The following CPAMD8 variants were observed in gnomAD, a reference collection of about 807,000 sequenced individuals.
The protein encoded by CPAMD8 is C3 and PZP like alpha-2-macroglobulin domain containing 8, also known as C3 and PZP-like alpha-2-macroglobulin domain-containing protein 8.
In CPAMD8, 146 loss-of-function variants were observed where a neutral mutation model predicts 224.7. That is an observed-to-expected ratio of 0.65 (90% CI 0.57 to 0.75). The LOEUF (loss-of-function observed/expected upper bound fraction) is 0.75, where lower values mean the gene tolerates loss of function less well. CPAMD8 is among the 30% of genes least tolerant of loss of function. The pLI is 0.00. For synonymous variants in CPAMD8, 966 were observed against 1,044.6 expected (o/e 0.92, Z 1.45); for missense variants, 2,301 against 2,537.5 (o/e 0.91, Z 2.00).
intron 3 of CPAMD8, among the ~76,000 whole-genome samples, chr19:17,016,382 G>A (rs1292364220): frequency 6.6e-6 from 1 of 152,194 alleles, no homozygotes; most frequent in Non-Finnish European, 1.5e-5. Flanking sequence ...TCTGTGCTGT[G>A]AAGAGTGTCT....
rs761232871 is a variant in CPAMD8, at chr19:17,002,322, G to T, written c.702C>A (p.Asp234Glu). ...CCAGGTCTTGGATATACCGGGGCGG[G>T]TCAATCAGAAGCTCAAACTTGGGCA... ...YVLPKFELLIDPPRYIQDLDA... is the reference protein window; with the variant it reads ...YVLPKFELLIEPPRYIQDLDA... The change falls in exon 9 of 42, where the codon GAC (aspartate) becomes GAA (glutamate). Residue 234 changes from aspartate (D) to glutamate (E), a missense_variant. Asp to Glu is a conservative substitution (Grantham distance 45). Transcript: ENST00000443236. 1.1e-5 allele frequency: 17 copies of T among 1,606,572 alleles called. No homozygotes were observed. In the Admixed American group the frequency reaches 2.7e-4, roughly 26 times the overall value.
At position 16,907,047 on chromosome 19, in the gene CPAMD8, T is replaced by G; in HGVS notation, c.3932A>C (p.Tyr1311Ser). 3.1e-6 allele frequency: 5 copies of G among 1,608,258 alleles called. No individual in the cohort carries two copies. The highest frequency in any genetic ancestry group is 4.2e-6 in the Non-Finnish European group (5 of 1,177,830). Reference protein sequence around the residue: ...ESAAPLAMDPYSCALTTYALT... With the variant: ...ESAAPLAMDPSSCALTTYALT... The stretch of plus-strand genomic sequence containing the variant: ...CGCGTAGGTAGTCAGGGCACAGCTA[T>G]AAGGGTCCATGGCCAGGGGCGCAGC... Residue 1311 changes from tyrosine (Y) to serine (S), a missense_variant, in exon 30 of 42, where the codon TAT (tyrosine) becomes TCT (serine). Around this residue, in one of 4 missense-constraint regions of CPAMD8, gnomAD observed 1,709 missense variants for 1,753.2 expected, o/e 0.97. Transcript: ENST00000443236.
chr19:16,903,711 C>T lies in CPAMD8; in HGVS notation c.4398G>A (p.Gln1466=). 6.2e-7 allele frequency: 1 copy of T among 1,614,192 alleles called. No individual in the cohort carries two copies. The highest frequency in any genetic ancestry group is 1.3e-5 in the African/African-American group (1 of 75,060). Residue 1466 remains glutamine (Q), a synonymous_variant, in exon 33 of 42, where the codon CAG becomes CAA. Coordinates refer to ENST00000443236, the MANE Select transcript of CPAMD8 (RefSeq NM_015692.5). ...TCCCAGGAACACGCACCGCTGCTGT[C>T]TGCAGAACCTTCTGGTTGGTCCTGT... ...ELHRTNQKVL[Q]TAAIPSLPTG...
chr19:17,022,531 C>T (rs1237539784), intron 1 of CPAMD8, among the ~76,000 whole-genome samples: 1 of 150,996 alleles, frequency 6.6e-6, no homozygotes, highest in Non-Finnish European at 1.5e-5. Flanking sequence ...CAGAGTGTTG[C>T]TCTGTCCCCC....
At chr19:16,893,643 G>T in intron 41 of CPAMD8, 1 of 302,788 alleles carries the variant, frequency 3.3e-6, no homozygotes, top group Non-Finnish European at 6.1e-6. Flanking sequence ...GCAGGCAGCT[G>T]GTAGGGCCCC....
chr19:16,941,057 A>G (rs1004897962), intron 22 of CPAMD8, among the ~76,000 whole-genome samples: 3 of 152,112 alleles, frequency 2.0e-5, no homozygotes, highest in African/African-American at 4.8e-5. Flanking sequence ...CAGCCTCCCA[A>G]GTAGCTGGGA....
Position 16,989,589 on chromosome 19 carries a change from T to C in CPAMD8, c.1395+54A>G, listed in dbSNP as rs201500266. ...GGCATGAGCCACAGCACCTGGCTCA[T>C]GCTGCTTTTTGGATCCCGCATGGCC... On this transcript the variant is annotated intron_variant, in intron 13 of 41. Coordinates refer to ENST00000443236, the MANE Select transcript of CPAMD8 (RefSeq NM_015692.5). The C allele has an allele frequency of 3.2e-4, 504 of 1,585,736 alleles. 2 individuals carry two copies. In the South Asian group the frequency reaches 4.2e-3, roughly 13 times the overall value.
chr19:17,020,662 A>G (rs1198584428), intron 2 of CPAMD8, among the ~76,000 whole-genome samples: 1 of 152,118 alleles, frequency 6.6e-6, no homozygotes, highest in Non-Finnish European at 1.5e-5. Flanking sequence ...CTGTGAGGGG[A>G]GTAATGGGAA....
intron 7 of CPAMD8, among the ~76,000 whole-genome samples, chr19:17,007,059 A>C (rs1440335475): frequency 1.3e-5 from 2 of 152,002 alleles, no homozygotes; most frequent in Non-Finnish European, 2.9e-5. Flanking sequence ...GAGGCCAGGC[A>C]CGGTGGCTCA....
chr19:16,979,333 G>C (rs55784516), intron 14 of CPAMD8, among the ~76,000 whole-genome samples: 2 of 141,582 alleles, frequency 1.4e-5, no homozygotes, highest in Admixed American at 1.4e-4. Context: ...TATTCATCCA[G>C]CCATCCATCT....
intron 1 of CPAMD8, among the ~76,000 whole-genome samples, chr19:17,025,020 A>G (rs2057042028): frequency 6.6e-6 from 1 of 152,246 alleles, no homozygotes; most frequent in Non-Finnish European, 1.5e-5. Context: ...TCTCTTCCCC[A>G]GTGTGTCTCT....
rs1295487224 is a variant in CPAMD8, at chr19:16,957,890, A to G, written c.2239T>C (p.Phe747Leu). ...PRTEKRKRTF[F>L]PETWIWHCLN... ...CAATGCCAAATCCATGTTTCGGGGA[A>G]GAAAGTCCTTTTTCTCTTCTCTGTT... Residue 747 changes from phenylalanine to leucine, a missense_variant, in exon 19 of 42, where the codon TTC becomes CTC. Coordinates refer to ENST00000443236, the MANE Select transcript of CPAMD8 (RefSeq NM_015692.5). 6.2e-6 allele frequency: 10 copies of G among 1,614,060 alleles called. No individual in the cohort carries two copies. The highest frequency in any genetic ancestry group is 8.5e-6 in the Non-Finnish European group (10 of 1,180,016).
rs190185672 is a variant in CPAMD8 at position 16,932,141 on chromosome 19, T to C, written c.2846-2901A>G. ...ATTTTGGAAAAATAATTCAAAATAA[T>C]GACATTAGCTGAGTGTGGTGGCTCA... On this transcript the variant is annotated intron_variant, in intron 23 of 41. Coordinates refer to ENST00000443236, the MANE Select transcript of CPAMD8 (RefSeq NM_015692.5). Among the ~76,000 whole-genome samples the C allele has an allele frequency of 1.1e-4, 16 of 152,268 alleles. No individual in the cohort carries two copies. In the East Asian group the frequency reaches 3.1e-3, roughly 29 times the overall value.
rs906448978 is a variant in CPAMD8 at position 16,975,179 on chromosome 19, C to T, written c.1988G>A (p.Gly663Glu). 12 of 1,612,096 alleles carry T rather than the reference C, an allele frequency of 7.4e-6. No homozygotes were observed. Among genetic ancestry groups the T allele is most frequent in the Admixed American group, 3.4e-5 (2 of 59,552 alleles). ...SREDGPFWWA[G>E]LTAQRRRRSS... ...GCGCCGGCGTCGTTGTGCCGTCAGCCCAGCCCACCAAAAAGGACCATCCTC... is the reference window on the plus strand; with the variant it reads ...GCGCCGGCGTCGTTGTGCCGTCAGCTCAGCCCACCAAAAAGGACCATCCTC... Residue 663 changes from glycine (G) to glutamate (E), a missense_variant, in exon 17 of 42, where the codon GGG becomes GAG. By Grantham distance (98) the Gly-to-Glu change is moderately conservative. Around this residue, in one of 4 missense-constraint regions of CPAMD8, gnomAD observed 1,709 missense variants for 1,753.2 expected, o/e 0.97. Coordinates refer to ENST00000443236, the MANE Select transcript of CPAMD8 (RefSeq NM_015692.5).
chr19:17,024,637 T>C (rs1216010437), intron 1 of CPAMD8, among the ~76,000 whole-genome samples: 4 of 152,210 alleles, frequency 2.6e-5, no homozygotes, highest in African/African-American at 9.6e-5. Context: ...CCAGAGAAAC[T>C]GACATCACCA....
chr19:16,921,468 A>G (rs2053171491), intron 27 of CPAMD8, among the ~76,000 whole-genome samples: 3 of 151,996 alleles, frequency 2.0e-5, no homozygotes, highest in African/African-American at 7.3e-5. Context: ...TCCTCCCTGC[A>G]GTTACCACAG....
chr19:16,999,356 G>C (rs79390720), intron 10 of CPAMD8, among the ~76,000 whole-genome samples: 1 of 151,888 alleles, frequency 6.6e-6, no homozygotes, highest in Non-Finnish European at 1.5e-5. Context: ...CGAGGCAGGT[G>C]GATCACGACG....
At chr19:17,022,391 A>C (rs2056983477) in intron 1 of CPAMD8, among the ~76,000 whole-genome samples, 2 of 152,152 alleles carry the variant, frequency 1.3e-5, no homozygotes, top group African/African-American at 4.8e-5. Flanking sequence ...ATGCTGGGTA[A>C]GAATCTGGCC....
chr19:16,963,732 G>C (rs2054729654), intron 18 of CPAMD8, among the ~76,000 whole-genome samples: 1 of 152,126 alleles, frequency 6.6e-6, no homozygotes, highest in South Asian at 2.1e-4. Flanking sequence ...TAAATCAACA[G>C]AATATACATT....
Sources: gnomAD v4.1 joint callset for allele counts (sites outside exome capture counted in the v4.1 genomes callset) on GRCh38, gnomAD v4.1.1 for gene constraint, gnomAD v4.1.1 regional missense constraint, MANE v1.5 for transcripts, NCBI Gene and HGNC (gene_info 2026-07-23, HGNC 2026-07-21) for gene names.